Variants in B9D1 observed in about 807,000 individuals in gnomAD.
B9D1 encodes B9 domain-containing protein 1.
B9D1 carries 20 observed loss-of-function variants against 26.1 expected under a neutral mutation model. That is an observed-to-expected ratio of 0.77 (90% CI 0.54 to 1.12). The LOEUF (loss-of-function observed/expected upper bound fraction) is 1.12. Among genes scored for constraint, B9D1 ranks in the 50% most tolerant of loss-of-function variants. B9D1 has a pLI of 0.00. For synonymous variants in B9D1, 105 were observed against 103.1 expected (o/e 1.02, Z -0.11); for missense variants, 260 against 273.7 (o/e 0.95, Z 0.35).
At chr17:19,348,022 C>CAGT in intron 3 of B9D1, 142 bp from the exon 4 acceptor site, 1 of 739,668 alleles carries the variant, frequency 1.4e-6, no homozygotes, top group South Asian at 1.5e-5. Flanking sequence ...GGGACAGGAG[C>CAGT]AGGCATGGGA....
chr17:19,347,834 GT>G lies in B9D1; in HGVS notation c.290del (p.Asn97ThrfsTer62), dbSNP rs758461043. 6.2e-7 allele frequency: 1 copy of G among 1,614,076 alleles called. No homozygotes were observed. The highest frequency in any genetic ancestry group is 1.3e-5 in the African/African-American group (1 of 75,034). ...LSVYGPDVFGNDVVRGYGAVH... is the reference protein window; with the variant it reads ...LSVYGPDVFGXDVVRGYGAVH... ...CGGCCCCATAGCCTCGAACCACATC[GT>G]TCCCGAACACATCTGGTCCATACAC... On this transcript the variant is annotated frameshift_variant, in exon 4 of 7. Coordinates refer to ENST00000261499, the MANE Select transcript of B9D1 (RefSeq NM_015681.6). LOFTEE classifies it high-confidence loss of function. The surrounding 1 kb of genome is among the most constrained non-coding windows in gnomAD (Gnocchi z 4.3).
chr17:19,346,681 T>C (rs1436428161), intron 5 of B9D1, among the ~76,000 whole-genome samples: 1 of 152,174 alleles, frequency 6.6e-6, no homozygotes, highest in East Asian at 1.9e-4. Context: ...GGCCCCTGCC[T>C]GCCTCCCTGA....
At chr17:19,357,697 G>A (rs1009575206) in intron 3 of B9D1, 143 bp downstream of exon 3, 7 of 714,524 alleles carry the variant, frequency 9.8e-6, no homozygotes, top group Non-Finnish European at 1.5e-5. Flanking sequence ...GACAGATGGC[G>A]AGAGAGAACG....
chr17:19,346,012 G>A (rs971764656), intron 5 of B9D1, among the ~76,000 whole-genome samples: 3 of 152,212 alleles, frequency 2.0e-5, no homozygotes, highest in African/African-American at 7.2e-5. Flanking sequence ...TTTCCTCAGC[G>A]AGCTGTCCCC....
chr17:19,347,860 C>T lies in B9D1; in HGVS notation c.265G>A (p.Val89Met), dbSNP rs777500443. 9.9e-6 allele frequency: 16 copies of T among 1,614,112 alleles called. No individual in the cohort carries two copies. The highest frequency in any genetic ancestry group is 3.3e-5 in the South Asian group (3 of 91,070). The change falls in exon 4 of 7, where the codon GTG (valine) becomes ATG (methionine). Residue 89 changes from valine (V) to methionine (M), a missense_variant. Transcript: ENST00000261499. This position sits in a 1 kb window ranked among gnomAD's most constrained non-coding sequence, Gnocchi z 4.3. ...TTCCCGAACACATCTGGTCCATACA[C>T]GCTGAGCACGATCTGTGGCCCTTGG... is the stretch of plus-strand genomic sequence containing the variant. ...PYGWPQIVLSVYGPDVFGNDV... is the reference protein window; with the variant it reads ...PYGWPQIVLSMYGPDVFGNDV...
At chr17:19,375,435 C>T (rs138845700) in intron 1 of B9D1, among the ~76,000 whole-genome samples, 130 of 152,094 alleles carry the variant, frequency 8.5e-4, no homozygotes, top group African/African-American at 3.0e-3. Flanking sequence ...CACTTCACAC[C>T]CACTAGGATG....
At chr17:19,345,041 C>T (rs1001922970) in intron 5 of B9D1, among the ~76,000 whole-genome samples, 2 of 152,230 alleles carry the variant, frequency 1.3e-5, no homozygotes, top group African/African-American at 2.4e-5. Context: ...GATCCCATCC[C>T]GGAGCTCACA....
In B9D1 at chr17:19,362,494, C is replaced by T. The variant is rs1423745643; in HGVS notation, c.63+13G>A. The T allele has an allele frequency of 1.3e-6, 2 of 1,554,972 alleles. No homozygotes were observed. Among genetic ancestry groups the T allele is most frequent in the African/African-American group, 2.7e-5 (2 of 73,848 alleles). Reference sequence around the variant, plus strand: ...CTGGGGGGCGGGCCCCGGCGGGGTCCACGGCCGCTCACCTGGGCGCTCTCC... The same window carrying T: ...CTGGGGGGCGGGCCCCGGCGGGGTCTACGGCCGCTCACCTGGGCGCTCTCC... On this transcript the variant is annotated intron_variant, in intron 1 of 6. Coordinates refer to ENST00000261499, the MANE Select transcript of B9D1 (RefSeq NM_015681.6).
At chr17:19,367,959 G>C (rs1198262511) in intron 1 of B9D1, among the ~76,000 whole-genome samples, 2 of 152,216 alleles carry the variant, frequency 1.3e-5, no homozygotes, top group Admixed American at 1.3e-4. Flanking sequence ...TGCATGAGTG[G>C]AGGTCTTTGG....
At chr17:19,356,216 C>T (rs1444940772) in intron 3 of B9D1, among the ~76,000 whole-genome samples, 2 of 152,014 alleles carry the variant, frequency 1.3e-5, no homozygotes, top group Non-Finnish European at 2.9e-5. Context: ...CTCAGCCCCC[C>T]AAGTAGCTAA....
At chr17:19,354,569 C>A (rs1016403442) in intron 3 of B9D1, among the ~76,000 whole-genome samples, 1 of 152,156 alleles carries the variant, frequency 6.6e-6, no homozygotes, top group Non-Finnish European at 1.5e-5. Context: ...GTGGCTCATG[C>A]CTGTAATCTC....
intron 5 of B9D1, among the ~76,000 whole-genome samples, chr17:19,345,625 G>A (rs1160801342): frequency 6.6e-6 from 1 of 152,218 alleles, no homozygotes; most frequent in African/African-American, 2.4e-5. Context: ...CTCCCCTAGA[G>A]CCTTGGGAGG....
chr17:19,355,251 A>C (rs970920012), intron 3 of B9D1, among the ~76,000 whole-genome samples: 6 of 152,180 alleles, frequency 3.9e-5, no homozygotes, highest in Non-Finnish European at 7.3e-5. Flanking sequence ...AAATATGGCC[A>C]GGCATGGGGC....
upstream of B9D1, among the ~76,000 whole-genome samples, chr17:19,363,423 C>T (rs1002888281): frequency 1.8e-4 from 27 of 152,216 alleles, no homozygotes; most frequent in African/African-American, 6.5e-4. Context: ...AGAGTAAGCA[C>T]TTGGTAACTA....
chr17:19,361,503 G>C (rs541785905), intron 1 of B9D1, among the ~76,000 whole-genome samples: 2 of 152,204 alleles, frequency 1.3e-5, no homozygotes, highest in South Asian at 4.2e-4. Flanking sequence ...GTGTGTGGCG[G>C]GGGGGTCGCT....
At chr17:19,339,033 G>GCTA (rs1435223282), downstream of B9D1, among the ~76,000 whole-genome samples, 3 of 152,126 alleles carry the variant, frequency 2.0e-5, no homozygotes, top group Non-Finnish European at 2.9e-5. Flanking sequence ...TTTAATGGTA[G>GCTA]CTACCATGAG....
At chr17:19,375,371 G>A (rs192740873) in intron 1 of B9D1, among the ~76,000 whole-genome samples, 24 of 152,026 alleles carry the variant, frequency 1.6e-4, no homozygotes, top group African/African-American at 5.5e-4. Context: ...CCAATAAACC[G>A]TGAAAACATC....
rs1330743840 is a variant in B9D1, at chr17:19,347,626, T to TC, written c.341+157dup. On this transcript the variant is annotated intron_variant, in intron 4 of 6. Transcript: ENST00000261499. The surrounding 1 kb of genome is among the most constrained non-coding windows in gnomAD (Gnocchi z 4.3). ...GCACCACCCATCTGAAAGGTTCTCC[T>TC]CCCAAATACAGGCTACAACCCCCCT... Among the ~76,000 whole-genome samples the TC allele has an allele frequency of 6.6e-6, 1 of 152,046 alleles. No homozygotes were observed. Among genetic ancestry groups the TC allele is most frequent in the Non-Finnish European group, 1.5e-5 (1 of 67,996 alleles).
At chr17:19,343,969 C>T in intron 5 of B9D1, 112 bp from the exon 6 acceptor site, 1 of 1,482,470 alleles carries the variant, frequency 6.7e-7, no homozygotes, top group Non-Finnish European at 9.1e-7. Flanking sequence ...CTTGTTCCAA[C>T]CGCACCCCAC....
Sources: allele counts gnomAD v4.1 joint callset (sites outside exome capture counted in the v4.1 genomes callset), GRCh38; gene constraint gnomAD v4.1.1; non-coding constraint Gnocchi (gnomAD v3.1); transcripts MANE v1.5; gene names NCBI Gene and HGNC (gene_info 2026-07-23, HGNC 2026-07-21).